RPS6KA2: variants seen among roughly 807,000 people sequenced by gnomAD.
The protein encoded by RPS6KA2 is ribosomal protein S6 kinase A2.
Under a neutral mutation model 91.8 loss-of-function variants are expected in RPS6KA2, and 42 were observed. The observed-to-expected ratio is 0.46, with a 90% CI of 0.36 to 0.59. RPS6KA2 has a LOEUF of 0.59. RPS6KA2 is among the 20% of genes least tolerant of loss of function. The probability of loss-of-function intolerance (pLI) is 0.00; values close to 1 mark genes in which losing one functional copy is unlikely to be tolerated. For missense variants in RPS6KA2, 798 were observed against 978.5 expected (o/e 0.82, Z 2.46); for synonymous variants, 414 against 393.6 (o/e 1.05, Z -0.61).
At chr6:166,658,105 C>G (rs2128556406) in intron 2 of RPS6KA2, among the ~76,000 whole-genome samples, 1 of 152,352 alleles carries the variant, frequency 6.6e-6, no homozygotes, top group South Asian at 2.1e-4. Flanking sequence ...TGGTCTTAAA[C>G]TCCCGACCTC....
At chr6:166,430,064 TCTC>T (rs1191011679) in intron 16 of RPS6KA2, among the ~76,000 whole-genome samples, 1 of 151,780 alleles carries the variant, frequency 6.6e-6, no homozygotes, top group African/African-American at 2.4e-5. Context: ...TTGAAATAAT[TCTC>T]CTGCCTCAGC....
chr6:166,773,041 CA>C (rs1247454025), intron 2 of RPS6KA2, among the ~76,000 whole-genome samples: 2 of 152,180 alleles, frequency 1.3e-5, no homozygotes, highest in Admixed American at 6.5e-5. Flanking sequence ...CTCTCTACAC[CA>C]TGGTCAGCCT....
intron 2 of RPS6KA2, among the ~76,000 whole-genome samples, chr6:166,762,428 T>C (rs1056399239): frequency 1.3e-5 from 2 of 152,170 alleles, no homozygotes; most frequent in African/African-American, 4.8e-5. Flanking sequence ...GAGGACGGAA[T>C]ATGAAGTTCA....
chr6:166,758,578 T>C (rs932019999), intron 2 of RPS6KA2, among the ~76,000 whole-genome samples: 6 of 152,192 alleles, frequency 3.9e-5, no homozygotes, highest in Non-Finnish European at 2.9e-5. Context: ...TGTTTACTGG[T>C]ATAGCTTCTT....
chr6:166,660,064 A>C (rs1267576653), intron 2 of RPS6KA2, among the ~76,000 whole-genome samples: 1 of 152,060 alleles, frequency 6.6e-6, no homozygotes, highest in African/African-American at 2.4e-5. Context: ...GCCAATAATT[A>C]ATTCTATAAA....
intron 16 of RPS6KA2, among the ~76,000 whole-genome samples, chr6:166,427,937 T>C (rs1262935132): frequency 6.6e-6 from 1 of 151,736 alleles, no homozygotes; most frequent in African/African-American, 2.4e-5. Flanking sequence ...CTTCACAGAA[T>C]TGGAAAAAAC....
At chr6:166,632,308 G>A (rs2128546186) in intron 2 of RPS6KA2, among the ~76,000 whole-genome samples, 1 of 152,274 alleles carries the variant, frequency 6.6e-6, no homozygotes, top group East Asian at 1.9e-4. Context: ...ACCATGGGGT[G>A]TCCCTTAAAT....
Position 166,434,208 on chromosome 6 carries a change from GC to G in RPS6KA2, c.1333-1719del. ...TCACCCCATTATAGTTTCAAAGGAT[GC>G]TCTGCCACGGCCACCATTCAGCTGT... On this transcript the variant is annotated intron_variant, in intron 14 of 20. Coordinates refer to ENST00000265678, the MANE Select transcript of RPS6KA2 (RefSeq NM_021135.6). The surrounding 1 kb of genome is among the most constrained non-coding windows in gnomAD (Gnocchi z 4.4). 6.6e-6 allele frequency among the ~76,000 whole-genome samples: 1 copy of G among 152,214 alleles called. No homozygotes were observed. The highest frequency in any genetic ancestry group is 1.9e-4 in the East Asian group (1 of 5,204).
intron 1 of RPS6KA2, among the ~76,000 whole-genome samples, chr6:166,859,410 A>T (rs938499088): frequency 6.6e-6 from 1 of 152,202 alleles, no homozygotes; most frequent in African/African-American, 2.4e-5. Flanking sequence ...CGCTGAAAGC[A>T]ATGATTGAAA....
Position 166,488,754 on chromosome 6 carries a change from T to G in RPS6KA2, c.907+79A>C. 3 of 1,098,982 alleles carry G rather than the reference T, an allele frequency of 2.7e-6. No homozygotes were observed. In the East Asian group the frequency reaches 7.4e-5, roughly 27 times the overall value. The allele number at this position is 1,098,982 out of a possible 1,614,324, so 68.1% of individuals were successfully genotyped here. On this transcript the variant is annotated intron_variant, in intron 10 of 20. Coordinates refer to ENST00000265678, the MANE Select transcript of RPS6KA2 (RefSeq NM_021135.6). Reference sequence around the variant, plus strand: ...TTGGCATTGGGCCGGAGCAGGAGGGTGGCCCTCCACATCTCCACTGTAGCT... The same window carrying G: ...TTGGCATTGGGCCGGAGCAGGAGGGGGGCCCTCCACATCTCCACTGTAGCT...
chr6:166,718,834 C>T (rs1045505413), intron 2 of RPS6KA2, among the ~76,000 whole-genome samples: 7 of 152,156 alleles, frequency 4.6e-5, no homozygotes, highest in Admixed American at 1.3e-4. Flanking sequence ...CTAAACACAC[C>T]GAACAGCTCT....
intron 2 of RPS6KA2, among the ~76,000 whole-genome samples, chr6:166,829,711 A>G (rs1359267387): frequency 6.6e-6 from 1 of 152,182 alleles, no homozygotes; most frequent in Admixed American, 6.5e-5. Flanking sequence ...CTTGACTCAC[A>G]GTACTCTGAA....
chr6:166,415,855 A>C (rs369616578), intron 19 of RPS6KA2, among the ~76,000 whole-genome samples: 5 of 141,680 alleles, frequency 3.5e-5, no homozygotes, highest in East Asian at 2.2e-4. Flanking sequence ...CCTTACCATC[A>C]TTCCTCCATC....
intron 2 of RPS6KA2, among the ~76,000 whole-genome samples, chr6:166,652,797 G>C (rs1582988568): frequency 6.6e-6 from 1 of 152,208 alleles, no homozygotes; most frequent in South Asian, 2.1e-4. Context: ...ATCTTAATCA[G>C]TGTAGAATAA....
At chr6:166,636,249 G>A (rs1012143795) in intron 2 of RPS6KA2, among the ~76,000 whole-genome samples, 1 of 152,062 alleles carries the variant, frequency 6.6e-6, no homozygotes, top group Admixed American at 6.5e-5. Flanking sequence ...GTTCCAGCTC[G>A]CTCTCAAGCT....
At chr6:166,661,425 C>T (rs889103605) in intron 2 of RPS6KA2, among the ~76,000 whole-genome samples, 7 of 152,160 alleles carry the variant, frequency 4.6e-5, no homozygotes, top group African/African-American at 1.4e-4. Flanking sequence ...TTTTAATTTG[C>T]ATTTATTTGA....
At chr6:166,669,304 A>C (rs567541452) in intron 2 of RPS6KA2, among the ~76,000 whole-genome samples, 2 of 152,254 alleles carry the variant, frequency 1.3e-5, no homozygotes, top group East Asian at 3.9e-4. Flanking sequence ...CTCTATTCAC[A>C]GGGTGCATGG....
At chr6:166,838,348 G>A (rs77293711) in intron 2 of RPS6KA2, among the ~76,000 whole-genome samples, 19,238 of 152,150 alleles carry the variant, frequency 0.13, 1,507 homozygotes, top group East Asian at 0.28. Flanking sequence ...GAGTGTCAGC[G>A]TGTCAATGAT....
intron 3 of RPS6KA2, among the ~76,000 whole-genome samples, chr6:166,520,017 G>A (rs1343652785): frequency 1.3e-5 from 2 of 152,126 alleles, no homozygotes; most frequent in Non-Finnish European, 2.9e-5. Flanking sequence ...CCCTATATGG[G>A]CAGGCACCAT....
Sources: allele counts gnomAD v4.1 joint callset (sites outside exome capture counted in the v4.1 genomes callset), GRCh38; gene constraint gnomAD v4.1.1; non-coding constraint Gnocchi (gnomAD v3.1); transcripts MANE v1.5; gene names NCBI Gene and HGNC (gene_info 2026-07-23, HGNC 2026-07-21).